The following CLVS1 variants were observed in gnomAD, a reference collection of about 807,000 sequenced individuals.
The protein encoded by CLVS1 is clavesin 1.
CLVS1 carries 10 observed loss-of-function variants against 33.1 expected under a neutral mutation model. That is an observed-to-expected ratio of 0.30 (90% CI 0.19 to 0.51). CLVS1 has a LOEUF of 0.51. CLVS1 is among the 20% of genes least tolerant of loss of function. The pLI is 0.97. For synonymous variants in CLVS1, 163 were observed against 166.1 expected, an observed-to-expected ratio of 0.98 and a Z score of 0.14; for missense variants, 343 against 433.4, an observed-to-expected ratio of 0.79 and a Z score of 1.85.
the CLVS1 span, among the ~76,000 whole-genome samples, chr8:60,971,349 G>A: frequency 6.6e-6 from 1 of 152,146 alleles, no homozygotes; most frequent in Non-Finnish European, 1.5e-5. Context: ...GAAGTGCTGG[G>A]ATTACAGATG....
chr8:61,133,080 A>T (rs957367567), intron 2 of CLVS1, among the ~76,000 whole-genome samples: 1 of 152,162 alleles, frequency 6.6e-6, no homozygotes, highest in Non-Finnish European at 1.5e-5. Context: ...TCCACTGCAA[A>T]GTCTGGAAAT....
intron 2 of CLVS1, among the ~76,000 whole-genome samples, chr8:61,194,291 T>C (rs951069120): frequency 6.6e-6 from 1 of 152,024 alleles, no homozygotes; most frequent in Non-Finnish European, 1.5e-5. Context: ...AAACCATTTA[T>C]ATGCTGTTGA....
Position 61,224,611 on chromosome 8 carries a change from G to A in CLVS1, c.-151-75066G>A, listed in dbSNP as rs540347893. On this transcript the variant is annotated intron_variant, in intron 2 of 2. Transcript: ENST00000522621. Reference sequence around the variant, plus strand: ...TGCCAGTAGGATCGTTCCTGTATAAGGTGTCTGACAACCCCTGTTGGGGGG... The same window carrying A: ...TGCCAGTAGGATCGTTCCTGTATAAAGTGTCTGACAACCCCTGTTGGGGGG... Among the ~76,000 whole-genome samples, 9 of 152,300 alleles carry A rather than the reference G, an allele frequency of 5.9e-5. No homozygotes were observed. The South Asian group carries it at 1.9e-3, about 32-fold the overall frequency.
intron 1 of CLVS1, among the ~76,000 whole-genome samples, chr8:61,124,234 C>T (rs3864667): frequency 0.17 from 25,679 of 152,050 alleles, 2,987 homozygotes; most frequent in East Asian, 0.62. Context: ...TTTAAAACCA[C>T]GAGTCGAATT....
intron 2 of CLVS1, among the ~76,000 whole-genome samples, chr8:61,331,073 C>T (rs1402866501): frequency 6.6e-6 from 1 of 152,048 alleles, no homozygotes; most frequent in Non-Finnish European, 1.5e-5. Flanking sequence ...AGAACAAGAT[C>T]CTGTCTCAAA....
chr8:61,254,402 A>C (rs937008999), intron 2 of CLVS1, among the ~76,000 whole-genome samples: 1 of 152,148 alleles, frequency 6.6e-6, no homozygotes, highest in Non-Finnish European at 1.5e-5. Flanking sequence ...GTCCGTTCTC[A>C]TATCTCAAGC....
the CLVS1 span, among the ~76,000 whole-genome samples, chr8:60,990,122 C>A: frequency 1.2e-5 from 1 of 82,528 alleles, no homozygotes; most frequent in Non-Finnish European, 2.1e-5. Context: ...AAGACTCCAT[C>A]TCCAAAAAAA....
chr8:61,193,022 A>G (rs1416294059), intron 2 of CLVS1, among the ~76,000 whole-genome samples: 1 of 152,338 alleles, frequency 6.6e-6, no homozygotes, highest in East Asian at 1.9e-4. Flanking sequence ...ATTACTGGGT[A>G]TATACCCGAA....
chr8:61,291,027 A>G (rs1809968897), intron 1 of CLVS1, among the ~76,000 whole-genome samples: 1 of 152,096 alleles, frequency 6.6e-6, no homozygotes, highest in Non-Finnish European at 1.5e-5. Context: ...AGTTTAAGGG[A>G]AGTTTATATT....
chr8:61,168,766 C>T (rs573168273), intron 2 of CLVS1, among the ~76,000 whole-genome samples: 1 of 152,288 alleles, frequency 6.6e-6, no homozygotes, highest in African/African-American at 2.4e-5. Context: ...ATTGTGATGG[C>T]TTGTATATTG....
chr8:61,485,390 A>G (rs1479471341), intron 5 of CLVS1, among the ~76,000 whole-genome samples: 4 of 152,224 alleles, frequency 2.6e-5, no homozygotes, highest in Non-Finnish European at 5.9e-5. Flanking sequence ...CAAAACCACA[A>G]TGAGATACCA....
chr8:61,462,333 A>G (rs554188249), intron 5 of CLVS1, among the ~76,000 whole-genome samples: 2 of 152,312 alleles, frequency 1.3e-5, no homozygotes, highest in South Asian at 2.1e-4. Flanking sequence ...ACAAATCACT[A>G]TCTATGGTAG....
chr8:61,123,217 C>T (rs779919900), intron 1 of CLVS1, among the ~76,000 whole-genome samples: 1 of 134,776 alleles, frequency 7.4e-6, no homozygotes, highest in South Asian at 2.4e-4. Flanking sequence ...TGCGCTGAGC[C>T]GAGATCGCAC....
At chr8:60,989,097 G>A in the CLVS1 span, among the ~76,000 whole-genome samples, 1 of 152,072 alleles carries the variant, frequency 6.6e-6, no homozygotes, top group Non-Finnish European at 1.5e-5. Context: ...CCTTGCCTGA[G>A]CTCAAATGAT....
At chr8:61,216,373 A>G (rs1255440107) in intron 2 of CLVS1, among the ~76,000 whole-genome samples, 1 of 152,214 alleles carries the variant, frequency 6.6e-6, no homozygotes, top group Non-Finnish European at 1.5e-5. Flanking sequence ...CTCTTGAGAT[A>G]TATCTGTTGA....
At chr8:61,166,123 A>AT (rs1806860905) in intron 2 of CLVS1, among the ~76,000 whole-genome samples, 2 of 122,056 alleles carry the variant, frequency 1.6e-5, no homozygotes. Flanking sequence ...AAAAGCCCTT[A>AT]TTTATTTTAT....
At chr8:61,256,473 A>C (rs1217978723) in intron 2 of CLVS1, among the ~76,000 whole-genome samples, 1 of 152,238 alleles carries the variant, frequency 6.6e-6, no homozygotes, top group South Asian at 2.1e-4. Context: ...AGATCGTGCC[A>C]CTGCACTCCA....
At chr8:61,483,240 T>C (rs1489516244) in intron 5 of CLVS1, among the ~76,000 whole-genome samples, 1 of 151,952 alleles carries the variant, frequency 6.6e-6, no homozygotes, top group East Asian at 1.9e-4. Flanking sequence ...ATAGATGCAA[T>C]AAAAAATGAC....
the CLVS1 span, among the ~76,000 whole-genome samples, chr8:61,045,677 C>A: frequency 2.4e-4 from 37 of 152,320 alleles, no homozygotes; most frequent in African/African-American, 8.7e-4. Flanking sequence ...CTTTGTTCAT[C>A]ATTTCTGTCA....
Sources: gnomAD v4.1 joint callset for allele counts (sites outside exome capture counted in the v4.1 genomes callset) on GRCh38, gnomAD v4.1.1 for gene constraint, MANE v1.5 for transcripts, NCBI Gene and HGNC (gene_info 2026-07-23, HGNC 2026-07-21) for gene names.